The following MAF variants were observed in gnomAD, a reference collection of about 807,000 sequenced individuals.
The protein encoded by MAF is MAF bZIP transcription factor, also known as transcription factor Maf.
Under a neutral mutation model 22.0 loss-of-function variants are expected in MAF, and 10 were observed. That is an observed-to-expected ratio of 0.45 (90% CI 0.28 to 0.77). MAF has a LOEUF of 0.77. Ranked by LOEUF, MAF falls within the 30% of genes least tolerant of loss-of-function variation. The probability of loss-of-function intolerance (pLI) is 0.12; values close to 1 mark genes in which losing one functional copy is unlikely to be tolerated. For missense variants in MAF, 544 were observed against 548.4 expected (o/e 0.99, Z 0.08); for synonymous variants, 337 against 255.8 (o/e 1.32, Z -3.03).
At chr16:79,379,023 G>A in the MAF span, among the ~76,000 whole-genome samples, 4 of 152,180 alleles carry the variant, frequency 2.6e-5, no homozygotes, top group Admixed American at 1.3e-4. Flanking sequence ...CTGATTTTGT[G>A]CCATCGAATA....
chr16:79,259,657 A>G, the MAF span, among the ~76,000 whole-genome samples: 3 of 152,154 alleles, frequency 2.0e-5, no homozygotes, highest in Non-Finnish European at 2.9e-5. Context: ...TGCATATAAA[A>G]ATTTGCTTCC....
the MAF span, among the ~76,000 whole-genome samples, chr16:79,232,212 T>A: frequency 6.6e-5 from 10 of 152,052 alleles, no homozygotes; most frequent in African/African-American, 2.4e-4. Flanking sequence ...ATCCCTGATA[T>A]AGACAATATA....
the MAF span, among the ~76,000 whole-genome samples, chr16:79,353,888 C>G: frequency 6.6e-6 from 1 of 152,204 alleles, no homozygotes; most frequent in African/African-American, 2.4e-5. Flanking sequence ...TCAGTGTTTT[C>G]TAGACCCACA....
the MAF span, among the ~76,000 whole-genome samples, chr16:79,470,654 G>A: frequency 6.6e-6 from 1 of 152,178 alleles, no homozygotes; most frequent in African/African-American, 2.4e-5. Flanking sequence ...TTTATCAGCT[G>A]AGAAAACTGA....
the MAF span, among the ~76,000 whole-genome samples, chr16:79,218,981 G>C: frequency 0.022 from 3,349 of 152,268 alleles, 128 homozygotes; most frequent in African/African-American, 0.077. Context: ...GGATTCCTTA[G>C]CTGGTTACTT....
At chr16:79,295,941 C>A in the MAF span, among the ~76,000 whole-genome samples, 2 of 152,212 alleles carry the variant, frequency 1.3e-5, no homozygotes. Flanking sequence ...CTGCTCTGGG[C>A]CTTCCTAAAG....
chr16:79,352,821 T>G, the MAF span, among the ~76,000 whole-genome samples: 4 of 152,254 alleles, frequency 2.6e-5, no homozygotes, highest in South Asian at 2.1e-4. Flanking sequence ...ACCCAAGTTG[T>G]GATTACCAAA....
the MAF span, among the ~76,000 whole-genome samples, chr16:79,540,583 G>T: frequency 6.6e-6 from 1 of 152,178 alleles, no homozygotes; most frequent in Non-Finnish European, 1.5e-5. Context: ...TCATTGGCAT[G>T]GTCAACTGGC....
At chr16:79,247,679 C>T in the MAF span, among the ~76,000 whole-genome samples, 1 of 152,152 alleles carries the variant, frequency 6.6e-6, no homozygotes, top group African/African-American at 2.4e-5. Flanking sequence ...TCATTAGCTG[C>T]AGCCGGAACA....
chr16:79,325,063 G>A, the MAF span, among the ~76,000 whole-genome samples: 1 of 152,084 alleles, frequency 6.6e-6, no homozygotes, highest in African/African-American at 2.4e-5. Flanking sequence ...GTTTTTCTTG[G>A]AATTAGAGCC....
chr16:79,562,821 C>A, the MAF span, among the ~76,000 whole-genome samples: 1 of 152,218 alleles, frequency 6.6e-6, no homozygotes, highest in South Asian at 2.1e-4. Flanking sequence ...GGAAGTGGGT[C>A]TGGTTATGAG....
chr16:79,459,164 C>G, the MAF span, among the ~76,000 whole-genome samples: 48 of 152,164 alleles, frequency 3.2e-4, no homozygotes, highest in African/African-American at 1.1e-3. Flanking sequence ...AGAGGCAGAG[C>G]TGGGGTCAAC....
chr16:79,233,530 C>A, the MAF span, among the ~76,000 whole-genome samples: 16 of 152,086 alleles, frequency 1.1e-4, no homozygotes, highest in African/African-American at 3.9e-4. Flanking sequence ...AGCTAAGCAT[C>A]ACTGGCTAAT....
chr16:79,484,070 T>C, the MAF span, among the ~76,000 whole-genome samples: 4 of 152,122 alleles, frequency 2.6e-5, no homozygotes, highest in Non-Finnish European at 5.9e-5. Flanking sequence ...TTTGAGAGCT[T>C]CCTCCCATTC....
the MAF span, among the ~76,000 whole-genome samples, chr16:79,384,364 G>A: frequency 6.7e-6 from 1 of 149,248 alleles, no homozygotes; most frequent in East Asian, 2.0e-4. Flanking sequence ...AGAATCGCCT[G>A]AACCTGGGAG....
At chr16:79,307,304 C>T in the MAF span, among the ~76,000 whole-genome samples, 1 of 152,218 alleles carries the variant, frequency 6.6e-6, no homozygotes, top group Non-Finnish European at 1.5e-5. Context: ...GGGCTTCTTC[C>T]CTGCCCTGGA....
the MAF span, among the ~76,000 whole-genome samples, chr16:79,233,120 G>T: frequency 6.6e-6 from 1 of 151,928 alleles, no homozygotes; most frequent in Non-Finnish European, 1.5e-5. Context: ...GATTATAGGC[G>T]TGAACCACCG....
chr16:79,354,539 T>A, the MAF span, among the ~76,000 whole-genome samples: 4 of 152,114 alleles, frequency 2.6e-5, no homozygotes, highest in Non-Finnish European at 4.4e-5. Flanking sequence ...TGGAAAGCAC[T>A]GAGACTCAAG....
At chr16:79,453,039 C>G in the MAF span, among the ~76,000 whole-genome samples, 2 of 152,154 alleles carry the variant, frequency 1.3e-5, no homozygotes, top group African/African-American at 4.8e-5. Flanking sequence ...TGACAGATGG[C>G]TTTGGGATGG....
Sources: allele counts gnomAD v4.1 joint callset (sites outside exome capture counted in the v4.1 genomes callset), GRCh38; gene constraint gnomAD v4.1.1; transcripts MANE v1.5; gene names NCBI Gene and HGNC (gene_info 2026-07-23, HGNC 2026-07-21).